Variants in KDM4C observed in about 807,000 individuals in gnomAD.
KDM4C encodes lysine demethylase 4C, also known as lysine-specific demethylase 4C.
Under a neutral mutation model 129.3 loss-of-function variants are expected in KDM4C, and 81 were observed. That is an observed-to-expected ratio of 0.63 (90% CI 0.52 to 0.75). The LOEUF (loss-of-function observed/expected upper bound fraction) is 0.75. KDM4C is among the 30% of genes least tolerant of loss of function. KDM4C has a pLI of 0.00. For missense variants in KDM4C, 1,457 were observed against 1,304.0 expected (o/e 1.12, Z -1.81); for synonymous variants, 573 against 456.1 (o/e 1.26, Z -3.26).
At chr9:6,968,758 C>A (rs753820088) in intron 8 of KDM4C, among the ~76,000 whole-genome samples, 2 of 151,922 alleles carry the variant, frequency 1.3e-5, no homozygotes, top group African/African-American at 4.8e-5. Context: ...AATTTTATAT[C>A]TCTGTGGTTA....
intron 8 of KDM4C, among the ~76,000 whole-genome samples, chr9:6,902,100 C>G (rs1817507431): frequency 1.3e-5 from 2 of 152,256 alleles, no homozygotes; most frequent in South Asian, 4.2e-4. Flanking sequence ...TCTGCATCTT[C>G]TATTTTTTTC....
intron 17 of KDM4C, among the ~76,000 whole-genome samples, chr9:7,091,693 A>G (rs1835821981): frequency 6.6e-6 from 1 of 152,248 alleles, no homozygotes; most frequent in South Asian, 2.1e-4. Flanking sequence ...TCTGAGAAAC[A>G]TAGACTGAGA....
chr9:6,916,712 G>T (rs529783996), intron 8 of KDM4C, among the ~76,000 whole-genome samples: 1 of 152,200 alleles, frequency 6.6e-6, no homozygotes, highest in South Asian at 2.1e-4. Flanking sequence ...AGAGATTTTA[G>T]CAGGATGTTT....
At chr9:6,962,344 C>T (rs1563892958) in intron 8 of KDM4C, among the ~76,000 whole-genome samples, 2 of 152,114 alleles carry the variant, frequency 1.3e-5, no homozygotes, top group African/African-American at 4.8e-5. Flanking sequence ...GATAAGTTAT[C>T]CAGTCTTCTA....
intron 19 of KDM4C, among the ~76,000 whole-genome samples, chr9:7,152,161 A>G (rs1174308888): frequency 6.6e-6 from 1 of 152,250 alleles, no homozygotes. Flanking sequence ...AATAGTTTAT[A>G]TGCCTTTTTA....
intron 12 of KDM4C, among the ~76,000 whole-genome samples, chr9:7,006,053 A>G (rs1159309493): frequency 1.3e-5 from 2 of 152,254 alleles, no homozygotes; most frequent in African/African-American, 4.8e-5. Flanking sequence ...TAATGTGTAT[A>G]AAAAGCAACG....
At chr9:7,158,514 ATG>A (rs1437163089) in intron 19 of KDM4C, among the ~76,000 whole-genome samples, 1 of 152,164 alleles carries the variant, frequency 6.6e-6, no homozygotes, top group Non-Finnish European at 1.5e-5. Context: ...CACTGCTTAA[ATG>A]TGTCCCAGAG....
chr9:6,978,656 AG>A (rs1833338413), intron 8 of KDM4C: 1 of 152,246 alleles, frequency 6.6e-6, no homozygotes, highest in South Asian at 2.1e-4. Flanking sequence ...CTGGTATAAA[AG>A]TCTCAAAATC....
At chr9:6,722,229 G>T (rs939301421) in intron 1 of KDM4C, among the ~76,000 whole-genome samples, 1 of 152,102 alleles carries the variant, frequency 6.6e-6, no homozygotes, top group African/African-American at 2.4e-5. Context: ...GACTCCCTGG[G>T]ATCTTGTAGT....
intron 8 of KDM4C, among the ~76,000 whole-genome samples, chr9:6,914,835 A>G (rs1402745936): frequency 6.6e-6 from 1 of 152,234 alleles, no homozygotes; most frequent in Non-Finnish European, 1.5e-5. Flanking sequence ...GCCAGACACC[A>G]AATCTGCTGG....
At chr9:7,104,498 C>A (rs1017433835) in intron 18 of KDM4C, 2 of 152,140 alleles carry the variant, frequency 1.3e-5, no homozygotes, top group Admixed American at 1.3e-4. Context: ...TTTTTTTGAG[C>A]TTATTTCTGG....
chr9:7,166,870 C>T (rs1478987282), intron 20 of KDM4C, among the ~76,000 whole-genome samples: 1 of 151,870 alleles, frequency 6.6e-6, no homozygotes, highest in Admixed American at 6.6e-5. Context: ...AAAGTTAAGA[C>T]TAATATTAAA....
At chr9:6,984,006 TC>T (rs1817235581) in intron 9 of KDM4C, among the ~76,000 whole-genome samples, 159 bp from the exon 10 acceptor site, 1 of 152,220 alleles carries the variant, frequency 6.6e-6, no homozygotes, top group South Asian at 2.1e-4. Context: ...GATTTTGATT[TC>T]AAATTTAATC....
At chr9:6,881,109 T>C (rs193295298) in intron 6 of KDM4C, among the ~76,000 whole-genome samples, 76 of 152,318 alleles carry the variant, frequency 5.0e-4, no homozygotes, top group Non-Finnish European at 8.1e-4. Flanking sequence ...TCCTGCCTTA[T>C]ATGTGCTTTC....
chr9:6,801,702 CCTT>C (rs1829020360), intron 2 of KDM4C, among the ~76,000 whole-genome samples: 2 of 151,780 alleles, frequency 1.3e-5, no homozygotes, highest in Non-Finnish European at 2.9e-5. Flanking sequence ...AGAGTATTCT[CCTT>C]GGATATATAA....
chr9:7,022,500 T>C (rs998136937), intron 15 of KDM4C, among the ~76,000 whole-genome samples: 2 of 152,146 alleles, frequency 1.3e-5, no homozygotes, highest in African/African-American at 4.8e-5. Flanking sequence ...ATGTGTTGAT[T>C]TTCTGCACCT....
chr9:6,896,698 G>A (rs143682368), intron 8 of KDM4C, among the ~76,000 whole-genome samples: 34 of 152,292 alleles, frequency 2.2e-4, no homozygotes, highest in African/African-American at 7.7e-4. Flanking sequence ...GCTGGTAGAA[G>A]GGGGAGAAGT....
At chr9:6,760,445 G>GTATATATATA (rs60954996) in intron 1 of KDM4C, among the ~76,000 whole-genome samples, 6,528 of 142,382 alleles carry the variant, frequency 0.046, 229 homozygotes, top group East Asian at 0.16. Flanking sequence ...CTACTCTTGG[G>GTATATATATA]TATATATATA....
chr9:6,877,042 A>G (rs1843673607), intron 5 of KDM4C, among the ~76,000 whole-genome samples: 1 of 152,154 alleles, frequency 6.6e-6, no homozygotes, highest in African/African-American at 2.4e-5. Flanking sequence ...AGAATCAGCT[A>G]GGGAGCTTTT....
Sources: gnomAD v4.1 joint callset for allele counts (sites outside exome capture counted in the v4.1 genomes callset) on GRCh38, gnomAD v4.1.1 for gene constraint, MANE v1.5 for transcripts, NCBI Gene and HGNC (gene_info 2026-07-23, HGNC 2026-07-21) for gene names.